Variants in PRKCE observed in about 807,000 individuals in gnomAD.
PRKCE encodes the protein protein kinase C epsilon, also known as protein kinase C epsilon type.
In PRKCE, 16 loss-of-function variants were observed where a neutral mutation model predicts 85.4. The ratio of observed to expected loss-of-function variants is 0.19; its 90% confidence interval spans 0.13 to 0.28. The LOEUF is 0.28. Among genes scored for constraint, PRKCE ranks in the 10% least tolerant of loss-of-function variants. PRKCE has a pLI of 1.00. For synonymous variants in PRKCE, 388 were observed against 371.5 expected, an observed-to-expected ratio of 1.04 and a Z score of -0.51; for missense variants, 573 against 975.2, an observed-to-expected ratio of 0.59 and a Z score of 5.49.
At chr2:45,696,579 A>C (rs148105714) in intron 1 of PRKCE, among the ~76,000 whole-genome samples, 171 of 152,168 alleles carry the variant, frequency 1.1e-3, no homozygotes, top group African/African-American at 4.0e-3. Flanking sequence ...TGAAGCTGCT[A>C]CTCAGCTTCA....
At chr2:46,094,831 C>G (rs1670528812) in intron 11 of PRKCE, among the ~76,000 whole-genome samples, 1 of 151,582 alleles carries the variant, frequency 6.6e-6, no homozygotes, top group Non-Finnish European at 1.5e-5. Context: ...AGCATTTTCA[C>G]TCAATTTTAA....
At chr2:45,818,284 G>A (rs1457197223) in intron 1 of PRKCE, among the ~76,000 whole-genome samples, 1 of 152,188 alleles carries the variant, frequency 6.6e-6, no homozygotes, top group African/African-American at 2.4e-5. Flanking sequence ...AATCAATCTT[G>A]TGACTTGTAG....
At chr2:45,939,233 A>G (rs2104180977) in intron 2 of PRKCE, among the ~76,000 whole-genome samples, 1 of 152,352 alleles carries the variant, frequency 6.6e-6, no homozygotes, top group Non-Finnish European at 1.5e-5. Flanking sequence ...ACAAGTGCCA[A>G]GTGCTGTTAT....
intron 2 of PRKCE, among the ~76,000 whole-genome samples, chr2:45,943,893 CA>C (rs1700055889): frequency 6.6e-6 from 1 of 152,130 alleles, no homozygotes; most frequent in Non-Finnish European, 1.5e-5. Context: ...ATCATCAACG[CA>C]GGATTGTTTA....
intron 10 of PRKCE, among the ~76,000 whole-genome samples, chr2:46,043,059 T>C (rs797001773): frequency 4.6e-5 from 7 of 152,138 alleles, no homozygotes; most frequent in African/African-American, 1.7e-4. Context: ...CCATCCAAAT[T>C]AAACATTTGA....
chr2:45,708,864 G>T (rs1679355434), intron 1 of PRKCE, among the ~76,000 whole-genome samples: 1 of 152,196 alleles, frequency 6.6e-6, no homozygotes, highest in South Asian at 2.1e-4. Context: ...GGGGCCATGT[G>T]TTGAAGGTGG....
intron 1 of PRKCE, among the ~76,000 whole-genome samples, chr2:45,742,117 A>G (rs944919260): frequency 1.4e-4 from 22 of 152,222 alleles, no homozygotes; most frequent in African/African-American, 5.1e-4. Flanking sequence ...ACTATGTCAA[A>G]CTAAAAAGCT....
intron 1 of PRKCE, among the ~76,000 whole-genome samples, chr2:45,687,347 CTT>C (rs1158379019): frequency 6.6e-6 from 1 of 151,904 alleles, no homozygotes; most frequent in African/African-American, 2.4e-5. Flanking sequence ...ATACATGACT[CTT>C]AAATATACAG....
At chr2:45,661,781 C>T (rs1675673791) in intron 1 of PRKCE, among the ~76,000 whole-genome samples, 1 of 151,728 alleles carries the variant, frequency 6.6e-6, no homozygotes, top group Non-Finnish European at 1.5e-5. Context: ...CCTCATGATC[C>T]ACCCGCCTTG....
At chr2:45,827,433 C>T (rs528357615) in intron 1 of PRKCE, among the ~76,000 whole-genome samples, 2 of 152,120 alleles carry the variant, frequency 1.3e-5, no homozygotes, top group Non-Finnish European at 2.9e-5. Context: ...TGGTTCAGAT[C>T]GTGGTGTGGG....
intron 2 of PRKCE, among the ~76,000 whole-genome samples, chr2:45,930,827 G>T (rs1239524402): frequency 6.6e-6 from 1 of 152,092 alleles, no homozygotes; most frequent in African/African-American, 2.4e-5. Context: ...GAGATAAGAA[G>T]CTTGATGTGC....
At chr2:45,760,767 G>A (rs1021352423) in intron 1 of PRKCE, among the ~76,000 whole-genome samples, 2 of 152,202 alleles carry the variant, frequency 1.3e-5, no homozygotes, top group African/African-American at 2.4e-5. Context: ...GTGAAAGGAT[G>A]TGGGTGCCCT....
rs1198409885 is a variant in PRKCE, at chr2:45,834,590, GTA to G, written c.349-8408_349-8407del. On this transcript the variant is annotated intron_variant, in intron 1 of 14. Coordinates refer to ENST00000306156, the MANE Select transcript of PRKCE (RefSeq NM_005400.3). ...GTGCAGATCACGTGTGCGCATGTGT[GTA>G]TGTGTGTGTGTGTGTGTGTGTGTAC... Among the ~76,000 whole-genome samples, 8 of 149,428 alleles carry G rather than the reference GTA, an allele frequency of 5.4e-5. 1 individual carries two copies. The South Asian group carries it at 8.5e-4, about 16-fold the overall frequency.
chr2:45,714,064 G>A (rs990849081), intron 1 of PRKCE, among the ~76,000 whole-genome samples: 4 of 152,178 alleles, frequency 2.6e-5, no homozygotes, highest in African/African-American at 9.7e-5. Context: ...TTCATGAACA[G>A]AGCATTTTAC....
intron 1 of PRKCE, among the ~76,000 whole-genome samples, chr2:45,792,206 G>T (rs189059651): frequency 2.0e-4 from 31 of 152,178 alleles, no homozygotes; most frequent in African/African-American, 6.0e-4. Context: ...CCTGAGGGGT[G>T]TCCTGGCTTT....
chr2:45,936,033 T>C (rs1699422679), intron 2 of PRKCE, among the ~76,000 whole-genome samples: 2 of 152,276 alleles, frequency 1.3e-5, no homozygotes, highest in South Asian at 4.1e-4. Flanking sequence ...TGTGTGCTCG[T>C]AGGAGACCCT....
intron 2 of PRKCE, among the ~76,000 whole-genome samples, chr2:45,889,985 C>G (rs1695598981): frequency 6.6e-6 from 1 of 152,160 alleles, no homozygotes; most frequent in Non-Finnish European, 1.5e-5. Context: ...TGAAAGCACT[C>G]TAGTAAATGG....
chr2:45,655,645 G>A (rs1341116193), intron 1 of PRKCE, among the ~76,000 whole-genome samples: 1 of 152,084 alleles, frequency 6.6e-6, no homozygotes, highest in Non-Finnish European at 1.5e-5. Context: ...AGGCAACGTA[G>A]TAAGACTCCA....
intron 1 of PRKCE, among the ~76,000 whole-genome samples, chr2:45,792,031 G>A (rs1573374626): frequency 6.6e-6 from 1 of 152,248 alleles, no homozygotes; most frequent in Non-Finnish European, 1.5e-5. Flanking sequence ...GAATAGCTAA[G>A]GCTGGATAAT....
Sources: gnomAD v4.1 joint callset for allele counts (sites outside exome capture counted in the v4.1 genomes callset) on GRCh38, gnomAD v4.1.1 for gene constraint, MANE v1.5 for transcripts, NCBI Gene and HGNC (gene_info 2026-07-23, HGNC 2026-07-21) for gene names.